Variants in ASAH2 observed in about 807,000 individuals in gnomAD.
ASAH2 encodes neutral ceramidase.
In ASAH2, 58 loss-of-function variants were observed where a neutral mutation model predicts 82.9. The ratio of observed to expected loss-of-function variants is 0.70; its 90% CI spans 0.57 to 0.87. ASAH2 has a LOEUF of 0.87. Among genes scored for constraint, ASAH2 ranks in the 40% least tolerant of loss-of-function variants. The pLI is 0.00. For missense variants in ASAH2, 779 were observed against 834.0 expected (o/e 0.93, Z 0.81); for synonymous variants, 276 against 289.7 (o/e 0.95, Z 0.48).
At chr10:50,221,705 TAG>T (rs1321902278) in intron 7 of ASAH2, among the ~76,000 whole-genome samples, 118 of 119,612 alleles carry the variant, frequency 9.9e-4, no homozygotes, top group African/African-American at 3.2e-3. Flanking sequence ...GATGGATAGA[TAG>T]ATAGATAGAT....
intron 1 of ASAH2, 55 bp from the exon 2 acceptor site, chr10:50,248,701 T>A (rs1846538436): frequency 7.6e-7 from 1 of 1,317,788 alleles, no homozygotes; most frequent in South Asian, 1.4e-5. Context: ...CAACCGAGGT[T>A]AAGATATCTT....
chr10:50,195,583 T>C (rs1844953329), intron 18 of ASAH2, among the ~76,000 whole-genome samples: 1 of 151,502 alleles, frequency 6.6e-6, no homozygotes, highest in Non-Finnish European at 1.5e-5. Context: ...GTTGAAGAGA[T>C]ATGTGAACTC....
chr10:50,215,063 T>C (rs993799531), intron 8 of ASAH2, among the ~76,000 whole-genome samples, 195 bp from the exon 9 acceptor site: 2 of 152,242 alleles, frequency 1.3e-5, no homozygotes, highest in South Asian at 2.1e-4. Flanking sequence ...AGAAGCTCTT[T>C]AGTTTAATTA....
chr10:50,207,599 C>A (rs1845336042), intron 12 of ASAH2, among the ~76,000 whole-genome samples: 1 of 149,508 alleles, frequency 6.7e-6, no homozygotes, highest in African/African-American at 2.4e-5. Context: ...GAAAGACAAA[C>A]TACCAAAATT....
intron 2 of ASAH2, among the ~76,000 whole-genome samples, chr10:50,246,124 A>G (rs1846451706): frequency 6.6e-6 from 1 of 152,176 alleles, no homozygotes; most frequent in Non-Finnish European, 1.5e-5. Flanking sequence ...TATATTTATT[A>G]TACACACACA....
intron 16 of ASAH2, among the ~76,000 whole-genome samples, chr10:50,202,090 G>A (rs1358511775): frequency 6.6e-6 from 1 of 151,988 alleles, no homozygotes; most frequent in Non-Finnish European, 1.5e-5. Flanking sequence ...TTTTCAATGG[G>A]AATTCCTAGA....
chr10:50,215,514 A>G (rs1163480919), intron 8 of ASAH2, among the ~76,000 whole-genome samples: 13 of 152,336 alleles, frequency 8.5e-5, no homozygotes, highest in African/African-American at 2.9e-4. Context: ...AGTTTTCTGC[A>G]TATGGCTAGC....
chr10:50,205,247 A>G (rs1307506753), intron 13 of ASAH2, among the ~76,000 whole-genome samples: 1 of 152,058 alleles, frequency 6.6e-6, no homozygotes, highest in Non-Finnish European at 1.5e-5. Flanking sequence ...ATACACAATA[A>G]ATAAGGAATT....
chr10:50,213,769 T>C (rs1311917400), intron 9 of ASAH2, among the ~76,000 whole-genome samples: 1 of 152,110 alleles, frequency 6.6e-6, no homozygotes, highest in Non-Finnish European at 1.5e-5. Context: ...TTGTACTATT[T>C]TGACAAAACT....
chr10:50,218,284 A>T (rs907834231), intron 8 of ASAH2, among the ~76,000 whole-genome samples: 6 of 152,222 alleles, frequency 3.9e-5, no homozygotes, highest in African/African-American at 1.4e-4. Flanking sequence ...TTTATGAAGC[A>T]ATGAATATAA....
chr10:50,185,970 A>G lies in ASAH2; in HGVS notation c.*1345T>C, dbSNP rs1360043965. On this transcript the variant is annotated 3_prime_UTR_variant, in exon 21 of 21. Coordinates refer to ENST00000682911, the MANE Select transcript of ASAH2 (RefSeq NM_019893.4). Reference sequence around the variant, plus strand: ...TTTGCAGTCTGGGAGGTTGTAGTTAACTTAAAGAATTTTAAATGCAATTAG... The same window carrying G: ...TTTGCAGTCTGGGAGGTTGTAGTTAGCTTAAAGAATTTTAAATGCAATTAG... The G allele has an allele frequency of 1.3e-5, 2 of 149,514 alleles. No individual in the cohort carries two copies. The highest frequency in any genetic ancestry group is 6.6e-5 in the Admixed American group (1 of 15,070). The allele number at this position is 149,514 out of a possible 1,614,324, so 9.3% of individuals were successfully genotyped here. A position where few individuals can be genotyped will look rare whatever the true frequency, so the allele number is the denominator to read the frequency against.
chr10:50,184,905 A>C lies in ASAH2; in HGVS notation c.*2410T>G, dbSNP rs970610427. On this transcript the variant is annotated 3_prime_UTR_variant, in exon 21 of 21. Transcript: ENST00000682911. ...AATTTATTATTAAATAATCCATTGAATATTGACAATTTTACACAGTACTCA... is the reference window on the plus strand; with the variant it reads ...AATTTATTATTAAATAATCCATTGACTATTGACAATTTTACACAGTACTCA... The C allele has an allele frequency of 1.3e-5, 2 of 151,458 alleles. No homozygotes were observed. Among genetic ancestry groups the C allele is most frequent in the Non-Finnish European group, 3.0e-5 (2 of 67,656 alleles). The allele number at this position is 151,458 out of a possible 1,614,324, so 9.4% of individuals were successfully genotyped here.
chr10:50,242,744 C>G (rs1846336828), intron 4 of ASAH2, among the ~76,000 whole-genome samples: 1 of 152,148 alleles, frequency 6.6e-6, no homozygotes, highest in Admixed American at 6.5e-5. Context: ...TATTACCCAG[C>G]TTCTATAACT....
intron 1 of ASAH2, among the ~76,000 whole-genome samples, chr10:50,250,473 A>G (rs1207554682): frequency 1.3e-5 from 2 of 152,254 alleles, no homozygotes; most frequent in Non-Finnish European, 2.9e-5. Flanking sequence ...TCTGTGACTT[A>G]TGATCAACTT....
At chr10:50,234,274 G>A in intron 6 of ASAH2, 151 bp downstream of exon 6, 2 of 1,132,874 alleles carry the variant, frequency 1.8e-6, no homozygotes, top group Admixed American at 1.9e-5. Context: ...GTTTCTGCTT[G>A]TTTTAGATTA....
At position 50,211,272 on chromosome 10, in the gene ASAH2, T is replaced by C. The variant is rs951694572; in HGVS notation, c.1228-138A>G. 51 of 718,994 alleles carry C rather than the reference T, an allele frequency of 7.1e-5. No homozygotes were observed. The East Asian group carries it at 7.5e-4, about 11-fold the overall frequency. 44.5% of individuals were successfully genotyped at this position (718,994 alleles called of 1,614,324 possible). Reference sequence around the variant, plus strand: ...CTTTTGTTTTGCTGGTTGCTTAGAATTGGCCACCAACCACATGGGTCTCTC... The same window carrying C: ...CTTTTGTTTTGCTGGTTGCTTAGAACTGGCCACCAACCACATGGGTCTCTC... On this transcript the variant is annotated intron_variant, in intron 10 of 20. Transcript: ENST00000682911.
At chr10:50,230,613 G>A (rs1271068620) in intron 7 of ASAH2, among the ~76,000 whole-genome samples, 1 of 152,270 alleles carries the variant, frequency 6.6e-6, no homozygotes, top group East Asian at 1.9e-4. Flanking sequence ...AAGCACAACA[G>A]ATGGAAAAGC....
chr10:50,221,243 C>T (rs954822777), intron 7 of ASAH2, among the ~76,000 whole-genome samples: 1 of 152,072 alleles, frequency 6.6e-6, no homozygotes, highest in Admixed American at 6.6e-5. Context: ...AAATTCTAAT[C>T]AACTAGTGTT....
At chr10:50,237,141 T>C (rs1846182432) in intron 4 of ASAH2, among the ~76,000 whole-genome samples, 1 of 152,134 alleles carries the variant, frequency 6.6e-6, no homozygotes, top group Non-Finnish European at 1.5e-5. Context: ...TCAGGCATAG[T>C]GAGCAGAAAC....
Sources: allele counts gnomAD v4.1 joint callset (sites outside exome capture counted in the v4.1 genomes callset), GRCh38; gene constraint gnomAD v4.1.1; transcripts MANE v1.5; gene names NCBI Gene and HGNC (gene_info 2026-07-23, HGNC 2026-07-21).